The following CFAP47 variants were observed in gnomAD, a reference collection of about 807,000 sequenced individuals.
CFAP47 encodes the protein cilia- and flagella-associated protein 47.
CFAP47 carries 29 observed loss-of-function variants against 148.1 expected under a neutral mutation model. The observed-to-expected ratio is 0.20, with a 90% CI of 0.15 to 0.27. The LOEUF is 0.27. Among genes scored for constraint, CFAP47 ranks in the 10% least tolerant of loss-of-function variants. CFAP47 has a pLI of 1.00. For missense variants in CFAP47, 1,872 were observed against 1,697.5 expected (o/e 1.10, Z -1.81); for synonymous variants, 664 against 577.3 (o/e 1.15, Z -2.15).
chrX:36,144,724 G>T, intron 35 of CFAP47: 2 of 1,024,332 alleles, frequency 2.0e-6, no homozygotes, highest in Non-Finnish European at 2.6e-6. Flanking sequence ...TTTTTTGTTT[G>T]TTTGTTCTTT....
chrX:36,274,206 TA>T (rs1556002278), intron 49 of CFAP47, among the ~76,000 whole-genome samples: 1 of 111,938 alleles, frequency 8.9e-6, no homozygotes. Flanking sequence ...ATGAGTGAGT[TA>T]GGGGAAAGAA....
intron 16 of CFAP47, 49 bp downstream of exon 16, chrX:35,989,498 G>T: frequency 3.3e-6 from 4 of 1,210,576 alleles, no homozygotes; most frequent in Middle Eastern, 5.4e-4. Flanking sequence ...CTATGAATTT[G>T]TTGGGTATAC....
chrX:35,989,222 A>G (rs1012763612), intron 15 of CFAP47, 97 bp from the exon 16 acceptor site: 4 of 639,309 alleles, frequency 6.3e-6, no homozygotes, highest in Non-Finnish European at 9.5e-6. Flanking sequence ...ATTTAATGCA[A>G]TCACATTTTT....
At chrX:36,179,115 A>G (rs958220660) in intron 39 of CFAP47, among the ~76,000 whole-genome samples, 1 of 112,312 alleles carries the variant, frequency 8.9e-6, no homozygotes, top group African/African-American at 3.2e-5. Flanking sequence ...CTGCCATTCC[A>G]TATAAAAAGA....
chrX:35,981,360 T>A (rs1936642180), intron 15 of CFAP47, among the ~76,000 whole-genome samples: 1 of 106,039 alleles, frequency 9.4e-6, no homozygotes, highest in African/African-American at 3.4e-5. Flanking sequence ...AAGGACTGCC[T>A]ACTAGATATT....
At chrX:36,248,372 T>C (rs1305868995) in intron 48 of CFAP47, among the ~76,000 whole-genome samples, 2 of 105,174 alleles carry the variant, frequency 1.9e-5, no homozygotes, top group African/African-American at 6.8e-5. Context: ...TATGTGTGTA[T>C]ATATATTATA....
Position 36,364,941 on chromosome X carries a change from T to C in CFAP47, c.9024-2025T>C, listed in dbSNP as rs868966797. Among the ~76,000 whole-genome samples, 227 of 80,145 alleles carry C rather than the reference T, an allele frequency of 2.8e-3. 1 individual carries two copies. The highest frequency in any genetic ancestry group is 9.5e-3 in the Admixed American group (64 of 6,713). The allele number at this position is 80,145 out of a possible 115,157, so 69.6% of individuals were successfully genotyped here. On this transcript the variant is annotated intron_variant, in intron 61 of 63. Coordinates refer to ENST00000378653, the MANE Select transcript of CFAP47 (RefSeq NM_001304548.2). ...ATATATATATATATATATATATATATATACACACACACACATATTCATTTA... is the reference window on the plus strand; with the variant it reads ...ATATATATATATATATATATATATACATACACACACACACATATTCATTTA...
chrX:36,097,931 A>T (rs1938306054), intron 30 of CFAP47, among the ~76,000 whole-genome samples: 1 of 111,690 alleles, frequency 9.0e-6, no homozygotes, highest in Non-Finnish European at 1.9e-5. Flanking sequence ...CTCCTCTGTA[A>T]GGCCAGTAAC....
intron 21 of CFAP47, among the ~76,000 whole-genome samples, chrX:36,009,631 G>T (rs773619216): frequency 1.8e-5 from 2 of 112,044 alleles, no homozygotes; most frequent in South Asian, 3.7e-4. Flanking sequence ...AGTATTTTAG[G>T]CTTCTATAAT....
chrX:36,325,941 C>T (rs929179021), intron 57 of CFAP47, among the ~76,000 whole-genome samples: 2 of 111,419 alleles, frequency 1.8e-5, no homozygotes, highest in South Asian at 7.5e-4. Flanking sequence ...TCGTTACTCT[C>T]CATAATTTCA....
At chrX:36,233,171 G>A (rs1344515433) in intron 46 of CFAP47, among the ~76,000 whole-genome samples, 18 of 111,270 alleles carry the variant, frequency 1.6e-4, no homozygotes, top group African/African-American at 5.6e-4. Context: ...GGATATCCTT[G>A]TTAATCTTCT....
At chrX:36,314,908 C>T (rs782189303) in intron 56 of CFAP47, among the ~76,000 whole-genome samples, 1 of 111,255 alleles carries the variant, frequency 9.0e-6, no homozygotes, top group Non-Finnish European at 1.9e-5. Flanking sequence ...TTGTGGATGA[C>T]GGATATGGAT....
intron 33 of CFAP47, among the ~76,000 whole-genome samples, chrX:36,125,353 C>T (rs941499031): frequency 1.3e-4 from 14 of 110,974 alleles, no homozygotes; most frequent in African/African-American, 2.9e-4. Flanking sequence ...TCAGCTGCAT[C>T]GGCCCTGGAA....
chrX:35,992,498 T>C (rs1439578325), intron 17 of CFAP47, among the ~76,000 whole-genome samples: 1 of 111,351 alleles, frequency 9.0e-6, no homozygotes. Flanking sequence ...TGTGTTTTTT[T>C]CTGCCCAAAT....
chrX:36,176,825 A>C (rs1261187860), intron 39 of CFAP47, among the ~76,000 whole-genome samples: 2 of 112,358 alleles, frequency 1.8e-5, no homozygotes, highest in African/African-American at 6.5e-5. Flanking sequence ...GAATCACTTG[A>C]ACCTGGAGGC....
intron 4 of CFAP47, among the ~76,000 whole-genome samples, chrX:35,948,808 T>C (rs1321207587): frequency 9.1e-6 from 1 of 109,329 alleles, no homozygotes; most frequent in Non-Finnish European, 1.9e-5. Flanking sequence ...TGCGTGTGTG[T>C]GTGTGTGTGT....
intron 19 of CFAP47, among the ~76,000 whole-genome samples, chrX:35,997,722 G>A (rs1473454564): frequency 9.0e-6 from 1 of 110,708 alleles, no homozygotes; most frequent in African/African-American, 3.3e-5. Flanking sequence ...GAATATGAAT[G>A]CTTTCATTGT....
chrX:36,110,134 A>AT (rs1287122157), intron 33 of CFAP47, among the ~76,000 whole-genome samples: 1 of 110,442 alleles, frequency 9.1e-6, no homozygotes, highest in African/African-American at 3.3e-5. Flanking sequence ...CCATTTGTCA[A>AT]TTTTTTCTTT....
chrX:36,248,849 C>T (rs1282297316), intron 48 of CFAP47, among the ~76,000 whole-genome samples: 1 of 110,317 alleles, frequency 9.1e-6, no homozygotes, highest in Non-Finnish European at 1.9e-5. Flanking sequence ...TTGACAACCA[C>T]GGAATTAAAT....
Sources: gnomAD v4.1 joint callset for allele counts (sites outside exome capture counted in the v4.1 genomes callset) on GRCh38, gnomAD v4.1.1 for gene constraint, MANE v1.5 for transcripts, NCBI Gene and HGNC (gene_info 2026-07-23, HGNC 2026-07-21) for gene names.